OR7E24: variants seen among roughly 807,000 people sequenced by gnomAD.
OR7E24 encodes the protein olfactory receptor 7E24.
For missense variants in OR7E24, 385 were observed against 410.3 expected, an observed-to-expected ratio of 0.94 and a Z score of 0.53; for synonymous variants, 130 against 157.5, an observed-to-expected ratio of 0.83 and a Z score of 1.31.
At chr19:9,216,158 A>G in the OR7E24 span, among the ~76,000 whole-genome samples, 1 of 152,158 alleles carries the variant, frequency 6.6e-6, no homozygotes, top group Non-Finnish European at 1.5e-5. Context: ...GGTCCCTCCC[A>G]TTACACATGG....
At chr19:9,214,872 G>T in the OR7E24 span, 1 of 1,374,608 alleles carries the variant, frequency 7.3e-7, no homozygotes, top group Non-Finnish European at 1.0e-6. Context: ...GGAGGAAAAA[G>T]CAACGTTTAA....
At chr19:9,239,947 A>C in the OR7E24 span, among the ~76,000 whole-genome samples, 3 of 150,892 alleles carry the variant, frequency 2.0e-5, no homozygotes, top group Admixed American at 6.6e-5. Context: ...CTCAAGTGAT[A>C]CACCCGCCTT....
At chr19:9,244,721 TATAG>T (rs2066124571), upstream of OR7E24, among the ~76,000 whole-genome samples, 1 of 152,200 alleles carries the variant, frequency 6.6e-6, no homozygotes, top group Admixed American at 6.5e-5. Context: ...GACAACAATA[TATAG>T]ATAACTTGGA....
the OR7E24 span, chr19:9,211,395 A>G: frequency 6.6e-6 from 1 of 152,258 alleles, no homozygotes; most frequent in African/African-American, 2.4e-5. Context: ...GCAGTTTCTA[A>G]CATGCCAACA....
At chr19:9,227,690 T>C in the OR7E24 span, among the ~76,000 whole-genome samples, 1 of 151,920 alleles carries the variant, frequency 6.6e-6, no homozygotes, top group East Asian at 1.9e-4. Flanking sequence ...TATATACTAA[T>C]GATATATATT....
chr19:9,242,326 G>A, the OR7E24 span, among the ~76,000 whole-genome samples: 38 of 152,092 alleles, frequency 2.5e-4, no homozygotes, highest in East Asian at 6.4e-3. Flanking sequence ...CTCAGCCCAC[G>A]GCAACCACCT....
At chr19:9,222,782 T>C in the OR7E24 span, among the ~76,000 whole-genome samples, 1 of 152,192 alleles carries the variant, frequency 6.6e-6, no homozygotes, top group East Asian at 1.9e-4. Flanking sequence ...AGTTTGGATG[T>C]CTTTTATTTT....
At chr19:9,230,993 C>G in the OR7E24 span, among the ~76,000 whole-genome samples, 1 of 152,120 alleles carries the variant, frequency 6.6e-6, no homozygotes, top group African/African-American at 2.4e-5. Flanking sequence ...CTCACAGCAA[C>G]CTCCGCCTCC....
chr19:9,225,170 T>A, the OR7E24 span, among the ~76,000 whole-genome samples: 1 of 151,216 alleles, frequency 6.6e-6, no homozygotes, highest in African/African-American at 2.4e-5. Context: ...AGGTCAGGAG[T>A]TCAAGACCAG....
chr19:9,239,915 G>A, the OR7E24 span, among the ~76,000 whole-genome samples: 1 of 151,956 alleles, frequency 6.6e-6, no homozygotes, highest in African/African-American at 2.4e-5. Context: ...CACCATATTG[G>A]TCAGGCTGGT....
the OR7E24 span, among the ~76,000 whole-genome samples, chr19:9,215,355 A>C: frequency 1.1e-4 from 16 of 151,956 alleles, 1 homozygote; most frequent in African/African-American, 3.4e-4. Context: ...AAAAAAAAAA[A>C]AAAAAAAAAA....
At chr19:9,242,875 C>G (rs577612980), upstream of OR7E24, among the ~76,000 whole-genome samples, 1 of 149,244 alleles carries the variant, frequency 6.7e-6, no homozygotes, top group Non-Finnish European at 1.5e-5. Flanking sequence ...TCATTCCCTC[C>G]TCTTTCTTCC....
the OR7E24 span, chr19:9,214,979 ATCTC>A: frequency 3.3e-6 from 2 of 600,904 alleles, no homozygotes; most frequent in Non-Finnish European, 5.9e-6. Flanking sequence ...AAGACAATGA[ATCTC>A]TCAGGAAGTG....
chr19:9,229,331 A>C, the OR7E24 span, among the ~76,000 whole-genome samples: 2 of 151,954 alleles, frequency 1.3e-5, no homozygotes, highest in African/African-American at 4.8e-5. Flanking sequence ...GGAGTTCGAG[A>C]CCAGCCTGGC....
chr19:9,244,434 G>A (rs1284660456), upstream of OR7E24, among the ~76,000 whole-genome samples: 1 of 152,180 alleles, frequency 6.6e-6, no homozygotes, highest in Non-Finnish European at 1.5e-5. Context: ...TGGGTGCCAA[G>A]AACATTCATT....
the OR7E24 span, chr19:9,236,093 C>A: frequency 7.4e-7 from 1 of 1,345,484 alleles, no homozygotes; most frequent in Non-Finnish European, 1.1e-6. Flanking sequence ...CGGTACACAA[C>A]CTCAGAACTA....
chr19:9,217,858 G>A, the OR7E24 span, among the ~76,000 whole-genome samples: 1 of 152,068 alleles, frequency 6.6e-6, no homozygotes, highest in Non-Finnish European at 1.5e-5. Context: ...TTAATTAGGG[G>A]AAGTAAGGAA....
upstream of OR7E24, among the ~76,000 whole-genome samples, chr19:9,250,343 C>T (rs2066141798): frequency 6.6e-6 from 1 of 152,170 alleles, no homozygotes; most frequent in Non-Finnish European, 1.5e-5. Flanking sequence ...AATCCTCCTG[C>T]CTTGGCCTCC....
chr19:9,220,044 A>T, the OR7E24 span, among the ~76,000 whole-genome samples: 1 of 151,820 alleles, frequency 6.6e-6, no homozygotes, highest in African/African-American at 2.4e-5. Flanking sequence ...ATATTTTTTC[A>T]AATTATTTTT....
Sources: gnomAD v4.1 joint callset for allele counts (sites outside exome capture counted in the v4.1 genomes callset) on GRCh38, gnomAD v4.1.1 for gene constraint, MANE v1.5 for transcripts, NCBI Gene and HGNC (gene_info 2026-07-23, HGNC 2026-07-21) for gene names.